The following PCED1B variants were observed in gnomAD, a reference collection of about 807,000 sequenced individuals.
PCED1B encodes PC-esterase domain-containing protein 1B.
For synonymous variants in PCED1B, 251 were observed against 246.1 expected (o/e 1.02, Z -0.19); for missense variants, 573 against 573.9 (o/e 1.00, Z 0.02).
At chr12:47,170,619 C>G (rs1287592817) in intron 2 of PCED1B, among the ~76,000 whole-genome samples, 2 of 152,174 alleles carry the variant, frequency 1.3e-5, no homozygotes, top group Non-Finnish European at 2.9e-5. Flanking sequence ...TCTCCTTTCT[C>G]TTTGTGATAT....
intron 2 of PCED1B, among the ~76,000 whole-genome samples, chr12:47,143,627 A>G (rs1940677641): frequency 1.3e-5 from 2 of 152,208 alleles, no homozygotes; most frequent in African/African-American, 4.8e-5. Flanking sequence ...GAATCAGAAA[A>G]ATCATATTGC....
At chr12:47,095,689 C>G (rs1938457549) in intron 1 of PCED1B, among the ~76,000 whole-genome samples, 1 of 152,162 alleles carries the variant, frequency 6.6e-6, no homozygotes, top group Non-Finnish European at 1.5e-5. Flanking sequence ...GTGTCATCTG[C>G]TGTAAACTTA....
At position 47,158,540 on chromosome 12, in the gene PCED1B, T is replaced by C. The variant is rs60478869; in HGVS notation, c.-526+54345T>C. On this transcript the variant is annotated intron_variant, in intron 2 of 3. Transcript: ENST00000546455. ...TTCAGTTTTATGAGTTCCATTTATATTTCAGATATCAATCCCTTATCAGAT... is the reference window on the plus strand; with the variant it reads ...TTCAGTTTTATGAGTTCCATTTATACTTCAGATATCAATCCCTTATCAGAT... Among the ~76,000 whole-genome samples the C allele has an allele frequency of 5.1e-3, 778 of 152,340 alleles. 6 individuals are homozygous for C. The highest frequency in any genetic ancestry group is 0.017 in the African/African-American group (711 of 41,570).
At chr12:47,082,957 G>A (rs1419187077) in intron 1 of PCED1B, among the ~76,000 whole-genome samples, 1 of 150,154 alleles carries the variant, frequency 6.7e-6, no homozygotes, top group Non-Finnish European at 1.5e-5. Flanking sequence ...TGACTCCAAG[G>A]GATAGTAGAA....
chr12:47,131,798 A>G (rs1409688269), intron 2 of PCED1B, among the ~76,000 whole-genome samples: 4 of 151,306 alleles, frequency 2.6e-5, no homozygotes, highest in African/African-American at 9.8e-5. Flanking sequence ...CCTCCCGAGT[A>G]GCTGGGATTA....
rs575435022 is a variant in PCED1B at position 47,164,524 on chromosome 12, C to T, written c.-525-51698C>T. On this transcript the variant is annotated intron_variant, in intron 2 of 3. Coordinates refer to ENST00000546455, the MANE Select transcript of PCED1B (RefSeq NM_138371.3). Reference sequence around the variant, plus strand: ...CCTCAGAAAGCCCCACCTCAATGGCCTTGCTGCATGGCTTGGAGTCTGGTG... The same window carrying T: ...CCTCAGAAAGCCCCACCTCAATGGCTTTGCTGCATGGCTTGGAGTCTGGTG... 3.3e-5 allele frequency among the ~76,000 whole-genome samples: 5 copies of T among 152,364 alleles called. No homozygotes were observed. In the South Asian group the frequency reaches 6.2e-4, roughly 19 times the overall value.
At chr12:47,104,235 G>A (rs184829710) in intron 2 of PCED1B, 40 bp downstream of exon 2, 3 of 152,270 alleles carry the variant, frequency 2.0e-5, no homozygotes, top group South Asian at 4.1e-4. Context: ...GAAAAGGTTT[G>A]GCGAAGGCTC....
intron 2 of PCED1B, among the ~76,000 whole-genome samples, chr12:47,104,705 T>C (rs118172709): frequency 6.6e-6 from 1 of 152,212 alleles, no homozygotes; most frequent in Non-Finnish European, 1.5e-5. Flanking sequence ...CTCTTCTAAT[T>C]ACTCTAAAAA....
intron 2 of PCED1B, among the ~76,000 whole-genome samples, chr12:47,120,504 A>C (rs1939630359): frequency 6.6e-6 from 1 of 152,208 alleles, no homozygotes; most frequent in Non-Finnish European, 1.5e-5. Flanking sequence ...ATGGCCATAA[A>C]AAAGAATGCA....
At chr12:47,190,622 A>G (rs762738644) in intron 2 of PCED1B, among the ~76,000 whole-genome samples, 1 of 152,188 alleles carries the variant, frequency 6.6e-6, no homozygotes, top group Admixed American at 6.5e-5. Context: ...TCAAACAACA[A>G]TAGTAACACT....
chr12:47,092,234 A>T (rs1448694528), intron 1 of PCED1B, among the ~76,000 whole-genome samples: 2 of 151,994 alleles, frequency 1.3e-5, no homozygotes, highest in Non-Finnish European at 2.9e-5. Context: ...TTTAGTTTTC[A>T]GTTAGAGATC....
At chr12:47,148,079 T>C (rs1474588866) in intron 2 of PCED1B, among the ~76,000 whole-genome samples, 3 of 152,192 alleles carry the variant, frequency 2.0e-5, no homozygotes, top group Non-Finnish European at 4.4e-5. Flanking sequence ...AAAGCCTTCA[T>C]GCTATGCCAT....
intron 2 of PCED1B, among the ~76,000 whole-genome samples, chr12:47,137,619 C>CT (rs1379472291): frequency 6.6e-6 from 1 of 151,516 alleles, no homozygotes; most frequent in Non-Finnish European, 1.5e-5. Context: ...GTCTCAGCTA[C>CT]TTGGGAAGCT....
intron 3 of PCED1B, among the ~76,000 whole-genome samples, chr12:47,226,094 T>C (rs1943623488): frequency 6.6e-6 from 1 of 152,242 alleles, no homozygotes. Context: ...ACATTATTAA[T>C]ACATATATCT....
chr12:47,098,064 T>C (rs1278087722), intron 1 of PCED1B, among the ~76,000 whole-genome samples: 2 of 152,224 alleles, frequency 1.3e-5, no homozygotes, highest in African/African-American at 2.4e-5. Flanking sequence ...GTAGTTGACA[T>C]GCTTTGGGGC....
In PCED1B at chr12:47,171,819, CTCT is replaced by C. The variant is rs757671090; in HGVS notation, c.-525-44387_-525-44385del. Among the ~76,000 whole-genome samples the C allele has an allele frequency of 2.8e-3, 419 of 149,968 alleles. 2 individuals carry two copies. The highest frequency in any genetic ancestry group is 0.015 in the East Asian group (78 of 5,080). On this transcript the variant is annotated intron_variant, in intron 2 of 3. Coordinates refer to ENST00000546455, the MANE Select transcript of PCED1B (RefSeq NM_138371.3). ...TCTTCTTCTTCTTCTTTTTTTCTTC[CTCT>C]TCTTCTTCTTCTTCTGCTGCTGCTT...
At chr12:47,217,750 T>C (rs1291375660) in intron 3 of PCED1B, among the ~76,000 whole-genome samples, 2 of 152,076 alleles carry the variant, frequency 1.3e-5, no homozygotes, top group Admixed American at 6.5e-5. Context: ...CTAATTTTTA[T>C]ATTTTTACTA....
chr12:47,179,779 G>T (rs998109137), intron 2 of PCED1B, among the ~76,000 whole-genome samples: 1 of 152,068 alleles, frequency 6.6e-6, no homozygotes, highest in Non-Finnish European at 1.5e-5. Flanking sequence ...TAGAGACTGA[G>T]GGTACAGCAG....
At chr12:47,170,981 C>A (rs1009060480) in intron 2 of PCED1B, among the ~76,000 whole-genome samples, 1 of 151,886 alleles carries the variant, frequency 6.6e-6, no homozygotes, top group African/African-American at 2.4e-5. Context: ...TTCCTTTCAA[C>A]CAAATCACTC....
Sources: allele counts gnomAD v4.1 joint callset (sites outside exome capture counted in the v4.1 genomes callset), GRCh38; gene constraint gnomAD v4.1.1; transcripts MANE v1.5; gene names NCBI Gene and HGNC (gene_info 2026-07-23, HGNC 2026-07-21).